SLIT2: variants seen among roughly 807,000 people sequenced by gnomAD.
SLIT2 encodes slit guidance ligand 2.
SLIT2 carries 41 observed loss-of-function variants against 185.7 expected under a neutral mutation model. The ratio of observed to expected loss-of-function variants is 0.22; its 90% CI spans 0.17 to 0.29. The LOEUF (loss-of-function observed/expected upper bound fraction) is 0.29, where lower values mean the gene tolerates loss of function less well. Among genes scored for constraint, SLIT2 ranks in the 10% least tolerant of loss-of-function variants. The pLI is 1.00. For missense variants in SLIT2, 1,571 were observed against 1,909.0 expected (o/e 0.82, Z 3.30); for synonymous variants, 693 against 680.2 (o/e 1.02, Z -0.29).
chr4:20,547,737 G>C (rs954912695), intron 22 of SLIT2, among the ~76,000 whole-genome samples: 4 of 150,260 alleles, frequency 2.7e-5, no homozygotes, highest in African/African-American at 7.3e-5. Flanking sequence ...TACATATATA[G>C]TGTGTGTATA....
intron 35 of SLIT2, 26 bp from the exon 36 acceptor site, chr4:20,617,413 C>T (rs745511366): frequency 3.8e-6 from 6 of 1,596,122 alleles, no homozygotes; most frequent in South Asian, 1.1e-5. Context: ...AATGCATTCC[C>T]ACTCCTGTGT....
At chr4:20,595,450 C>G (rs1416899041) in intron 30 of SLIT2, among the ~76,000 whole-genome samples, 1 of 130,592 alleles carries the variant, frequency 7.7e-6, no homozygotes, top group African/African-American at 3.0e-5. Flanking sequence ...TTACCCTGTT[C>G]TTATTTGGGC....
At chr4:20,444,584 G>C (rs762435735) in intron 4 of SLIT2, among the ~76,000 whole-genome samples, 1 of 152,172 alleles carries the variant, frequency 6.6e-6, no homozygotes, top group Non-Finnish European at 1.5e-5. Flanking sequence ...CATTTTGACC[G>C]TATCACAGTA....
intron 4 of SLIT2, among the ~76,000 whole-genome samples, chr4:20,454,670 T>C (rs867296823): frequency 2.6e-5 from 4 of 152,186 alleles, no homozygotes; most frequent in Non-Finnish European, 5.9e-5. Flanking sequence ...TAAAGCAAAT[T>C]TATTGCTTCA....
chr4:20,442,241 C>T (rs1426194785), intron 4 of SLIT2, among the ~76,000 whole-genome samples: 6 of 152,162 alleles, frequency 3.9e-5, no homozygotes, highest in African/African-American at 7.2e-5. Context: ...ACTGGTTGGC[C>T]GGGCGCGGTG....
chr4:20,369,927 C>G (rs73238761), intron 4 of SLIT2, among the ~76,000 whole-genome samples: 2 of 152,090 alleles, frequency 1.3e-5, no homozygotes, highest in Non-Finnish European at 2.9e-5. Flanking sequence ...CTTCTTTCCT[C>G]GAAAGACTTA....
At chr4:20,437,496 T>C (rs1044893715) in intron 4 of SLIT2, among the ~76,000 whole-genome samples, 4 of 151,874 alleles carry the variant, frequency 2.6e-5, no homozygotes, top group Admixed American at 2.6e-4. Flanking sequence ...GCCTCTGGGG[T>C]CCCAGCACCC....
At chr4:20,583,956 A>G (rs1019273873) in intron 29 of SLIT2, among the ~76,000 whole-genome samples, 2 of 152,158 alleles carry the variant, frequency 1.3e-5, no homozygotes, top group African/African-American at 4.8e-5. Context: ...CCTCAGTGCA[A>G]TAATACTCAC....
chr4:20,453,517 A>T (rs1712710822), intron 4 of SLIT2, among the ~76,000 whole-genome samples: 1 of 152,180 alleles, frequency 6.6e-6, no homozygotes, highest in African/African-American at 2.4e-5. Context: ...TTAATATCTC[A>T]TATAATTTTC....
intron 29 of SLIT2, among the ~76,000 whole-genome samples, chr4:20,583,158 T>C (rs897491936): frequency 1.3e-5 from 2 of 152,322 alleles, no homozygotes; most frequent in East Asian, 1.9e-4. Context: ...AATTACTGAA[T>C]TAATATCTTT....
chr4:20,538,931 G>A (rs1325907641), intron 18 of SLIT2, among the ~76,000 whole-genome samples: 2 of 152,022 alleles, frequency 1.3e-5, no homozygotes, highest in African/African-American at 4.8e-5. Context: ...AGTCTTTGTG[G>A]ATATTCTGTC....
chr4:20,291,493 T>TATATA (rs1430943219), intron 4 of SLIT2, among the ~76,000 whole-genome samples: 1 of 12,804 alleles, frequency 7.8e-5, no homozygotes, highest in Non-Finnish European at 1.3e-4. Context: ...TATATATATA[T>TATATA]TTTTTTTTTT....
intron 29 of SLIT2, among the ~76,000 whole-genome samples, chr4:20,581,928 G>T (rs1449699022): frequency 6.6e-6 from 1 of 152,178 alleles, no homozygotes; most frequent in African/African-American, 2.4e-5. Context: ...TGTATTTTTA[G>T]TAGAGACGGG....
At chr4:20,472,246 C>CTATATATATCTATATATCTA (rs546128488) in intron 5 of SLIT2, among the ~76,000 whole-genome samples, 3 of 39,666 alleles carry the variant, frequency 7.6e-5, no homozygotes, top group African/African-American at 2.9e-4. Flanking sequence ...ATCTATATAT[C>CTATATATATCTATATATCTA]TATATATAGA....
intron 4 of SLIT2, among the ~76,000 whole-genome samples, chr4:20,289,381 A>C (rs1715587462): frequency 6.6e-6 from 1 of 152,120 alleles, no homozygotes; most frequent in Admixed American, 6.5e-5. Flanking sequence ...CTTTTTGAGT[A>C]GTTACTATTG....
chr4:20,418,315 A>T (rs1447387028), intron 4 of SLIT2, among the ~76,000 whole-genome samples: 1 of 152,210 alleles, frequency 6.6e-6, no homozygotes. Context: ...TTCAAAATGT[A>T]TTATAGCAAA....
intron 4 of SLIT2, among the ~76,000 whole-genome samples, chr4:20,285,209 G>T (rs1236374976): frequency 1.3e-5 from 2 of 152,186 alleles, no homozygotes; most frequent in African/African-American, 4.8e-5. Context: ...ATCATAAGAG[G>T]GCGAGATCAT....
chr4:20,359,881 G>C (rs768611908), intron 4 of SLIT2, among the ~76,000 whole-genome samples: 44 of 152,090 alleles, frequency 2.9e-4, no homozygotes, highest in Admixed American at 5.2e-4. Flanking sequence ...GAGGGAGATG[G>C]CTTGATAGAA....
At chr4:20,360,010 G>T (rs1236938751) in intron 4 of SLIT2, among the ~76,000 whole-genome samples, 1 of 152,054 alleles carries the variant, frequency 6.6e-6, no homozygotes, top group Non-Finnish European at 1.5e-5. Flanking sequence ...TGGAGAAATG[G>T]TATGGTACCT....
Sources: allele counts gnomAD v4.1 joint callset (sites outside exome capture counted in the v4.1 genomes callset), GRCh38; gene constraint gnomAD v4.1.1; transcripts MANE v1.5; gene names NCBI Gene and HGNC (gene_info 2026-07-23, HGNC 2026-07-21).